Variants in RELN observed in about 807,000 individuals in gnomAD.
The protein encoded by RELN is reelin.
A neutral mutation model predicts 427.6 loss-of-function variants in RELN; 108 were observed. The observed-to-expected ratio is 0.25, with a 90% CI of 0.22 to 0.30. RELN has a LOEUF of 0.30. RELN is among the 10% of genes least tolerant of loss of function. The pLI is 1.00. For synonymous variants in RELN, 1,524 were observed against 1,513.4 expected (o/e 1.01, Z -0.16); for missense variants, 3,715 against 4,302.8 (o/e 0.86, Z 3.82).
At chr7:103,489,075 A>G (rs926660090) in intron 60 of RELN, among the ~76,000 whole-genome samples, 1 of 152,188 alleles carries the variant, frequency 6.6e-6, no homozygotes, top group Non-Finnish European at 1.5e-5. Flanking sequence ...AGGCCTGCAT[A>G]CCTTCTAACA....
intron 35 of RELN, 33 bp downstream of exon 35, chr7:103,561,780 C>T: frequency 6.2e-7 from 1 of 1,613,842 alleles, no homozygotes; most frequent in South Asian, 1.1e-5. Flanking sequence ...TTTTGCGTTA[C>T]AAAGAAAGAA....
intron 8 of RELN, among the ~76,000 whole-genome samples, chr7:103,705,129 G>T (rs1834172570): frequency 6.6e-6 from 1 of 151,748 alleles, no homozygotes; most frequent in African/African-American, 2.4e-5. Flanking sequence ...TATAATAATT[G>T]CACATATTTA....
chr7:103,762,922 T>C (rs938499335), intron 4 of RELN, among the ~76,000 whole-genome samples: 1 of 152,168 alleles, frequency 6.6e-6, no homozygotes, highest in African/African-American at 2.4e-5. Flanking sequence ...AAATAATACA[T>C]GCCATTTTGA....
intron 11 of RELN, among the ~76,000 whole-genome samples, chr7:103,664,671 C>T (rs1220015190): frequency 6.6e-6 from 1 of 152,072 alleles, no homozygotes; most frequent in Middle Eastern, 3.2e-3. Context: ...TAAAATTTGG[C>T]CTATTAGATG....
At chr7:103,945,463 C>A (rs764828591) in intron 1 of RELN, among the ~76,000 whole-genome samples, 1 of 152,134 alleles carries the variant, frequency 6.6e-6, no homozygotes, top group African/African-American at 2.4e-5. Context: ...TTACCCCCTA[C>A]CGAAGACAGA....
At chr7:103,733,722 T>C (rs1790417916) in intron 6 of RELN, among the ~76,000 whole-genome samples, 1 of 143,672 alleles carries the variant, frequency 7.0e-6, no homozygotes, top group African/African-American at 2.6e-5. Context: ...TTCTCACTCA[T>C]AGGTGGGAAT....
chr7:103,759,352 G>C (rs1201032165), intron 4 of RELN, among the ~76,000 whole-genome samples: 1 of 152,128 alleles, frequency 6.6e-6, no homozygotes, highest in African/African-American at 2.4e-5. Flanking sequence ...CACAAGGCTT[G>C]ATTGAGCCTA....
At chr7:103,813,260 A>G (rs1193962905) in intron 3 of RELN, among the ~76,000 whole-genome samples, 2 of 152,118 alleles carry the variant, frequency 1.3e-5, no homozygotes, top group Non-Finnish European at 2.9e-5. Flanking sequence ...ATCCTTGTCA[A>G]TTTGAAGTTT....
chr7:103,874,989 G>T (rs2116540691), intron 2 of RELN, among the ~76,000 whole-genome samples: 1 of 146,312 alleles, frequency 6.8e-6, no homozygotes, highest in East Asian at 2.2e-4. Context: ...AAAACAGCAT[G>T]GTACTGGTAC....
chr7:103,826,767 C>T (rs1563036018), intron 3 of RELN, among the ~76,000 whole-genome samples: 1 of 152,070 alleles, frequency 6.6e-6, no homozygotes. Context: ...ATAATTATAA[C>T]AGATAAATAT....
At chr7:103,540,599 C>T (rs777042443) in intron 43 of RELN, 144 bp from the exon 44 acceptor site, 72 of 739,946 alleles carry the variant, frequency 9.7e-5, no homozygotes, top group Non-Finnish European at 1.5e-4. Context: ...GCAATCACTT[C>T]AAAGTCTGAT....
At chr7:103,732,624 A>G (rs1811159) in intron 6 of RELN, among the ~76,000 whole-genome samples, 102,898 of 151,904 alleles carry the variant, frequency 0.68, 35,735 homozygotes, top group African/African-American at 0.85. Flanking sequence ...GAAAGACGAG[A>G]TGAATTTTAA....
rs377264372 is a variant in RELN at position 103,616,116 on chromosome 7, C to T, written c.2703-4313G>A. On this transcript the variant is annotated intron_variant, in intron 20 of 64. Coordinates refer to ENST00000428762, the MANE Select transcript of RELN (RefSeq NM_005045.4). ...ATATAAGTCAATATGGATGAAATCTCACTATTCATGTGCCATAAGAGAAGC... is the reference window on the plus strand; with the variant it reads ...ATATAAGTCAATATGGATGAAATCTTACTATTCATGTGCCATAAGAGAAGC... Among the ~76,000 whole-genome samples, 22 of 152,248 alleles carry T rather than the reference C, an allele frequency of 1.4e-4. No individual in the cohort carries two copies. The East Asian group carries it at 3.3e-3, about 23-fold the overall frequency.
At chr7:103,932,925 A>G (rs538730872) in intron 1 of RELN, among the ~76,000 whole-genome samples, 69 of 152,354 alleles carry the variant, frequency 4.5e-4, no homozygotes, top group Non-Finnish European at 7.9e-4. Context: ...ATTGGCAGAC[A>G]GACACGTGCT....
chr7:103,817,587 G>A (rs892571922), intron 3 of RELN, among the ~76,000 whole-genome samples: 1 of 152,142 alleles, frequency 6.6e-6, no homozygotes, highest in African/African-American at 2.4e-5. Flanking sequence ...GAAATCTGTA[G>A]GATTTCCTTT....
chr7:103,758,222 C>T (rs1305178819), intron 4 of RELN, among the ~76,000 whole-genome samples: 1 of 152,126 alleles, frequency 6.6e-6, no homozygotes, highest in Non-Finnish European at 1.5e-5. Flanking sequence ...CTTTGTAAAG[C>T]TTGATCAAGT....
chr7:103,472,887 CATGTA>C lies in RELN; in HGVS notation c.10303_10307del (p.Tyr3435AspfsTer21). 6.2e-7 allele frequency: 1 copy of C among 1,613,848 alleles called. No homozygotes were observed. Among genetic ancestry groups the C allele is most frequent in the Admixed American group, 1.7e-5 (1 of 60,008 alleles). On this transcript the variant is annotated frameshift_variant, in exon 65 of 65. Coordinates refer to ENST00000428762, the MANE Select transcript of RELN (RefSeq NM_005045.4). LOFTEE classifies it high-confidence loss of function. Reference sequence around the variant, plus strand: ...GCCCATGTTGTCGTGAAAAATTCATCATGTAATTTTGTTTGCGAGTGCTGTTAAAA... The same window carrying C: ...GCCCATGTTGTCGTGAAAAATTCATCATTTTGTTTGCGAGTGCTGTTAAAA...
intron 1 of RELN, among the ~76,000 whole-genome samples, chr7:103,945,185 C>T (rs1796194740): frequency 6.6e-6 from 1 of 152,062 alleles, no homozygotes; most frequent in Non-Finnish European, 1.5e-5. Context: ...CTCAAAAGAC[C>T]TACAAGGGGA....
At chr7:103,550,279 C>T (rs1251994013) in intron 41 of RELN, among the ~76,000 whole-genome samples, 1 of 152,134 alleles carries the variant, frequency 6.6e-6, no homozygotes, top group Non-Finnish European at 1.5e-5. Context: ...CTCAAGACTT[C>T]TAATTATGCT....
Sources: gnomAD v4.1 joint callset for allele counts (sites outside exome capture counted in the v4.1 genomes callset) on GRCh38, gnomAD v4.1.1 for gene constraint, MANE v1.5 for transcripts, NCBI Gene and HGNC (gene_info 2026-07-23, HGNC 2026-07-21) for gene names.